PIBF1: variants seen among roughly 807,000 people sequenced by gnomAD.
PIBF1 encodes the protein progesterone-induced-blocking factor 1.
In PIBF1, 90 loss-of-function variants were observed where a neutral mutation model predicts 112.5. That is an observed-to-expected ratio of 0.80 (90% CI 0.67 to 0.95). The LOEUF (loss-of-function observed/expected upper bound fraction) is 0.95. Among genes scored for constraint, PIBF1 ranks in the 40% least tolerant of loss-of-function variants. The pLI is 0.00. For synonymous variants in PIBF1, 301 were observed against 288.6 expected, an observed-to-expected ratio of 1.04 and a Z score of -0.44; for missense variants, 915 against 852.3, an observed-to-expected ratio of 1.07 and a Z score of -0.92.
chr13:72,907,248 G>A (rs962307513), intron 11 of PIBF1, among the ~76,000 whole-genome samples: 12 of 120,882 alleles, frequency 9.9e-5, no homozygotes, highest in African/African-American at 3.1e-4. Context: ...TCTGAAATAA[G>A]TTAAGGAAAA....
chr13:72,813,087 A>G (rs973907745), intron 5 of PIBF1, among the ~76,000 whole-genome samples: 12 of 152,344 alleles, frequency 7.9e-5, no homozygotes, highest in Non-Finnish European at 1.5e-4. Flanking sequence ...AAATAGAGAA[A>G]AATGATGACA....
chr13:73,015,704 G>A (rs531518319), intron 17 of PIBF1, among the ~76,000 whole-genome samples, 165 bp from the exon 18 acceptor site: 7 of 152,208 alleles, frequency 4.6e-5, no homozygotes, highest in South Asian at 4.2e-4. Context: ...ATTATTTATG[G>A]CAAAAGACAA....
chr13:72,918,148 C>A, intron 13 of PIBF1, among the ~76,000 whole-genome samples: 1 of 152,156 alleles, frequency 6.6e-6, no homozygotes. Flanking sequence ...CACATCAAAT[C>A]CATCAAATCT....
chr13:72,839,025 G>GT (rs1467102644), intron 9 of PIBF1, among the ~76,000 whole-genome samples: 1 of 152,192 alleles, frequency 6.6e-6, no homozygotes, highest in Non-Finnish European at 1.5e-5. Context: ...GGACCATTAT[G>GT]TAAGACCTGT....
intron 10 of PIBF1, among the ~76,000 whole-genome samples, chr13:72,872,796 C>A (rs569672258): frequency 6.6e-6 from 1 of 151,964 alleles, no homozygotes; most frequent in Non-Finnish European, 1.5e-5. Flanking sequence ...TGTATGTTAG[C>A]GCTATACATT....
chr13:72,858,612 T>C (rs182568853), intron 10 of PIBF1, among the ~76,000 whole-genome samples: 1 of 152,342 alleles, frequency 6.6e-6, no homozygotes, highest in East Asian at 1.9e-4. Flanking sequence ...AATTAGGTGT[T>C]GCATGGTTGG....
At chr13:72,858,134 C>T (rs946484206) in intron 10 of PIBF1, among the ~76,000 whole-genome samples, 1 of 151,898 alleles carries the variant, frequency 6.6e-6, no homozygotes, top group Non-Finnish European at 1.5e-5. Flanking sequence ...TCGCTGCAGC[C>T]TCTGCCTCCC....
chr13:72,830,602 C>A (rs956404170), intron 8 of PIBF1, among the ~76,000 whole-genome samples: 1 of 152,128 alleles, frequency 6.6e-6, no homozygotes, highest in Non-Finnish European at 1.5e-5. Flanking sequence ...GTTGAACCAG[C>A]CTTGCCTCCC....
chr13:72,834,622 A>G lies in PIBF1; in HGVS notation c.1098-621A>G, dbSNP rs569483418. On this transcript the variant is annotated intron_variant, in intron 8 of 17. Coordinates refer to ENST00000326291, the MANE Select transcript of PIBF1 (RefSeq NM_006346.4). ...TGAGAGAGCAAGGCATTATCTCTTT[A>G]AGAAAAAAAGAAAAAAATACTAAAA... Among the ~76,000 whole-genome samples, 6 of 152,264 alleles carry G rather than the reference A, an allele frequency of 3.9e-5. No homozygotes were observed. In the South Asian group the frequency reaches 1.2e-3, roughly 32 times the overall value.
chr13:72,880,627 C>T (rs569969897), intron 10 of PIBF1, among the ~76,000 whole-genome samples: 1 of 152,056 alleles, frequency 6.6e-6, no homozygotes, highest in Non-Finnish European at 1.5e-5. Context: ...GCTTCAGAAC[C>T]CTTGCTTAAT....
intron 5 of PIBF1, among the ~76,000 whole-genome samples, chr13:72,802,229 G>A (rs1191759529): frequency 6.6e-6 from 1 of 152,044 alleles, no homozygotes; most frequent in African/African-American, 2.4e-5. Context: ...TCTATTTAAG[G>A]TATCATTCTG....
At chr13:72,986,711 T>A (rs956257348) in intron 16 of PIBF1, among the ~76,000 whole-genome samples, 1 of 134,802 alleles carries the variant, frequency 7.4e-6, no homozygotes, top group Non-Finnish European at 1.5e-5. Context: ...TGAGACAGAG[T>A]CTCGCTCTGT....
At chr13:72,918,727 CAG>C (rs2041187222) in intron 13 of PIBF1, among the ~76,000 whole-genome samples, 2 of 136,392 alleles carry the variant, frequency 1.5e-5, no homozygotes, top group African/African-American at 5.5e-5. Flanking sequence ...TTTTTTGAGA[CAG>C]AGACTCACTG....
At chr13:72,848,205 C>T (rs1385964627) in intron 9 of PIBF1, among the ~76,000 whole-genome samples, 3 of 152,116 alleles carry the variant, frequency 2.0e-5, no homozygotes, top group Non-Finnish European at 4.4e-5. Context: ...CAGACGTATT[C>T]CTTGCATTGC....
chr13:72,837,951 C>G (rs932120981), intron 9 of PIBF1, among the ~76,000 whole-genome samples: 9 of 152,172 alleles, frequency 5.9e-5, no homozygotes, highest in African/African-American at 2.2e-4. Flanking sequence ...ATTCCAAAGA[C>G]ATTCTCTATC....
intron 14 of PIBF1, among the ~76,000 whole-genome samples, chr13:72,961,671 C>G (rs189658417): frequency 6.6e-6 from 1 of 152,088 alleles, no homozygotes; most frequent in Non-Finnish European, 1.5e-5. Flanking sequence ...CCCTTTCACC[C>G]TAATAATAGA....
intron 5 of PIBF1, among the ~76,000 whole-genome samples, chr13:72,803,706 G>T (rs1178217338): frequency 6.6e-6 from 1 of 152,156 alleles, no homozygotes; most frequent in Non-Finnish European, 1.5e-5. Flanking sequence ...AACAACTGAA[G>T]AATATATTTA....
chr13:72,974,393 C>G (rs990114133), intron 16 of PIBF1: 3 of 152,162 alleles, frequency 2.0e-5, no homozygotes, highest in Non-Finnish European at 2.9e-5. Flanking sequence ...CCCTATCAAC[C>G]ACGGGTGTAT....
chr13:72,991,983 G>A (rs983846266), intron 16 of PIBF1, among the ~76,000 whole-genome samples: 1 of 152,162 alleles, frequency 6.6e-6, no homozygotes, highest in African/African-American at 2.4e-5. Flanking sequence ...CTCCCAAAGT[G>A]CTGGGATTAC....
Sources: allele counts gnomAD v4.1 joint callset (sites outside exome capture counted in the v4.1 genomes callset), GRCh38; gene constraint gnomAD v4.1.1; transcripts MANE v1.5; gene names NCBI Gene and HGNC (gene_info 2026-07-23, HGNC 2026-07-21).